SELP: variants seen among roughly 807,000 people sequenced by gnomAD.
The protein encoded by SELP is P-selectin.
A neutral mutation model predicts 104.1 loss-of-function variants in SELP; 92 were observed. The observed-to-expected ratio is 0.88, with a 90% confidence interval of 0.75 to 1.05. The LOEUF is 1.05. SELP is among the 50% of genes least tolerant of loss of function. The pLI is 0.00. For missense variants in SELP, 1,022 were observed against 1,017.3 expected (o/e 1.00, Z -0.06); for synonymous variants, 397 against 364.5 (o/e 1.09, Z -1.01).
intron 2 of SELP, among the ~76,000 whole-genome samples, chr1:169,618,921 T>C (rs1187673858): frequency 4.5e-4 from 68 of 152,222 alleles, no homozygotes; most frequent in Admixed American, 4.4e-3. Flanking sequence ...AATGGATACA[T>C]TCGTCCTGGA....
At chr1:169,590,002 G>A in intron 16 of SELP, 145 bp downstream of exon 16, 1 of 605,018 alleles carries the variant, frequency 1.7e-6, no homozygotes, top group Non-Finnish European at 2.9e-6. Context: ...GTGTCCTACT[G>A]CCAACACAAT....
At chr1:169,627,981 C>A (rs1487358416) in intron 1 of SELP, among the ~76,000 whole-genome samples, 1 of 152,172 alleles carries the variant, frequency 6.6e-6, no homozygotes, top group Admixed American at 6.5e-5. Flanking sequence ...CTGCCACCTC[C>A]ACCTCCTGGG....
rs186133865 is a variant in SELP, at chr1:169,618,074, C to T, written c.95-660G>A. Among the ~76,000 whole-genome samples the T allele has an allele frequency of 4.0e-4, 61 of 152,326 alleles. No homozygotes were observed. The East Asian group carries it at 6.0e-3, about 15-fold the overall frequency. On this transcript the variant is annotated intron_variant, in intron 2 of 16. Coordinates refer to ENST00000263686, the MANE Select transcript of SELP (RefSeq NM_003005.4). Reference sequence around the variant, plus strand: ...CCTCCATTGTGCTCATTGCCATGTACGGTAATGTCTGTTTCTATGATACAG... The same window carrying T: ...CCTCCATTGTGCTCATTGCCATGTATGGTAATGTCTGTTTCTATGATACAG...
In SELP at chr1:169,621,467, G is replaced by A. The variant is rs1024103548; in HGVS notation, c.4-2248C>T. On this transcript the variant is annotated intron_variant, in intron 1 of 16. Coordinates refer to ENST00000263686, the MANE Select transcript of SELP (RefSeq NM_003005.4). ...GTGTGTGTGTGTGTGTGTGTGTCAC[G>A]CCCAGTGATGGATTATGTAGGGTGC... Among the ~76,000 whole-genome samples the A allele has an allele frequency of 1.6e-4, 21 of 132,886 alleles. 1 individual carries two copies. Among genetic ancestry groups the A allele is most frequent in the South Asian group, 1.0e-3 (4 of 3,934 alleles). 87.2% of individuals were successfully genotyped at this position (132,886 alleles called of 152,430 possible).
In SELP at chr1:169,609,853, G is replaced by A. The variant is rs926128822; in HGVS notation, c.1148-164C>T. Among the ~76,000 whole-genome samples, 6 of 152,022 alleles carry A rather than the reference G, an allele frequency of 3.9e-5. No individual in the cohort carries two copies. In the South Asian group the frequency reaches 6.2e-4, roughly 16 times the overall value. On this transcript the variant is annotated intron_variant, in intron 7 of 16. Transcript: ENST00000263686. ...GAGACTGCCTGGAACACCTTCCCAT[G>A]CCCCTCTTGGCCTGACTCACTCTCA... is the stretch of plus-strand genomic sequence containing the variant.
intron 15 of SELP, among the ~76,000 whole-genome samples, chr1:169,591,191 G>A (rs748282717): frequency 9.9e-5 from 15 of 152,090 alleles, no homozygotes; most frequent in Admixed American, 3.9e-4. Context: ...CTGGCACAGC[G>A]CCTAAGTTTT....
At chr1:169,590,626 T>C (rs938056855) in intron 15 of SELP, among the ~76,000 whole-genome samples, 1 of 152,222 alleles carries the variant, frequency 6.6e-6, no homozygotes, top group African/African-American at 2.4e-5. Flanking sequence ...GCAAGGGTGC[T>C]GGATGTCTAC....
intron 3 of SELP, among the ~76,000 whole-genome samples, chr1:169,614,776 G>A (rs968098661): frequency 2.6e-5 from 4 of 152,148 alleles, no homozygotes; most frequent in Admixed American, 1.3e-4. Flanking sequence ...CAGTGAATTT[G>A]GTGAAGCTGC....
chr1:169,599,638 C>T (rs919846389), intron 10 of SELP, among the ~76,000 whole-genome samples: 1 of 151,938 alleles, frequency 6.6e-6, no homozygotes, highest in East Asian at 1.9e-4. Context: ...CAATAATTTT[C>T]TGGAAAGAAG....
chr1:169,611,187 C>G (rs1662513270), intron 7 of SELP, among the ~76,000 whole-genome samples: 1 of 152,172 alleles, frequency 6.6e-6, no homozygotes, highest in South Asian at 2.1e-4. Flanking sequence ...CCGCTGCTCC[C>G]AACTCCCTCT....
At position 169,603,180 on chromosome 1, in the gene SELP, C is replaced by G. The variant is rs751275259; in HGVS notation, c.1551G>C (p.Gln517His). ...AIPCTPLLSP[Q>H]NGTMTCVQPL... ...GTTGAACACAGGTCATTGTTCCATT[C>G]TGAGGGCTTAGCAAAGGTGTGCAGG... Residue 517 changes from glutamine (Q) to histidine (H), a missense_variant, in exon 10 of 17, where the codon CAG becomes CAC. Gln to His is a conservative substitution (Grantham distance 24). Coordinates refer to ENST00000263686, the MANE Select transcript of SELP (RefSeq NM_003005.4). The G allele has an allele frequency of 6.2e-7, 1 of 1,613,794 alleles. No individual in the cohort carries two copies. The highest frequency in any genetic ancestry group is 8.5e-7 in the Non-Finnish European group (1 of 1,179,802).
intron 1 of SELP, among the ~76,000 whole-genome samples, chr1:169,623,554 A>C (rs1663236074): frequency 6.6e-6 from 1 of 152,216 alleles, no homozygotes; most frequent in African/African-American, 2.4e-5. Context: ...AGTGAGAGAG[A>C]GCGAGACAAC....
intron 9 of SELP, 131 bp from the exon 10 acceptor site, chr1:169,603,342 T>A: frequency 1.0e-5 from 6 of 596,732 alleles, no homozygotes; most frequent in South Asian, 3.0e-5. Context: ...TGTGTGTGTG[T>A]GTGTGTGATT....
At chr1:169,598,612 C>T (rs1661746306) in intron 10 of SELP, among the ~76,000 whole-genome samples, 1 of 152,216 alleles carries the variant, frequency 6.6e-6, no homozygotes, top group Non-Finnish European at 1.5e-5. Context: ...AACATGTCTA[C>T]TGGTGTAACT....
intron 3 of SELP, among the ~76,000 whole-genome samples, chr1:169,616,274 T>A (rs1662805169): frequency 6.6e-6 from 1 of 152,216 alleles, no homozygotes; most frequent in African/African-American, 2.4e-5. Flanking sequence ...GCATTTACAA[T>A]CCTTGGTTAT....
chr1:169,590,040 T>C (rs1364964028), intron 16 of SELP, 107 bp downstream of exon 16: 3 of 743,648 alleles, frequency 4.0e-6, no homozygotes, highest in African/African-American at 1.8e-5. Flanking sequence ...ATTTAATACA[T>C]ACTTAAAATT....
At chr1:169,619,008 G>A in intron 2 of SELP, 121 bp downstream of exon 2, 4 of 697,242 alleles carry the variant, frequency 5.7e-6, no homozygotes, top group Non-Finnish European at 7.2e-6. Flanking sequence ...CCAGCAATCT[G>A]GACTTGGACA....
In SELP at chr1:169,613,665, T is replaced by C. The variant is rs755739545; in HGVS notation, c.510A>G (p.Lys170=). The stretch of plus-strand genomic sequence containing the variant: ...CGATGGTCTCGAGGCACTCTCCTTG[T>C]TTGCTGCAGGACATGTCCTGGCAGG... ...TASCQDMSCS[K]QGECLETIGN... is the part of the protein sequence containing the mutation. Residue 170 remains lysine (K), a synonymous_variant, in exon 4 of 17, where the codon AAA becomes AAG. Coordinates refer to ENST00000263686, the MANE Select transcript of SELP (RefSeq NM_003005.4). 8 of 1,613,932 alleles carry C rather than the reference T, an allele frequency of 5.0e-6. No individual in the cohort carries two copies. Among genetic ancestry groups the C allele is most frequent in the East Asian group, 4.5e-5 (2 of 44,878 alleles).
intron 3 of SELP, among the ~76,000 whole-genome samples, chr1:169,613,944 A>G (rs1276899206): frequency 6.6e-6 from 1 of 152,198 alleles, no homozygotes; most frequent in Non-Finnish European, 1.5e-5. Flanking sequence ...TTGTGTGTGG[A>G]CACAGAGGGA....
Sources: allele counts gnomAD v4.1 joint callset (sites outside exome capture counted in the v4.1 genomes callset), GRCh38; gene constraint gnomAD v4.1.1; transcripts MANE v1.5; gene names NCBI Gene and HGNC (gene_info 2026-07-23, HGNC 2026-07-21).